RPS6KC1: variants seen among roughly 807,000 people sequenced by gnomAD.
RPS6KC1 encodes inactive ribosomal protein S6 kinase delta-1.
A neutral mutation model predicts 103.8 loss-of-function variants in RPS6KC1; 54 were observed. The observed-to-expected ratio is 0.52, with a 90% CI of 0.42 to 0.65. The LOEUF (loss-of-function observed/expected upper bound fraction) is 0.65. RPS6KC1 is among the 30% of genes least tolerant of loss of function. RPS6KC1 has a pLI of 0.00. For synonymous variants in RPS6KC1, 439 were observed against 438.7 expected (o/e 1.00, Z -0.01); for missense variants, 1,151 against 1,253.8 (o/e 0.92, Z 1.24).
intron 8 of RPS6KC1, among the ~76,000 whole-genome samples, chr1:213,216,217 G>A (rs542150526): frequency 6.6e-6 from 1 of 152,104 alleles, no homozygotes; most frequent in African/African-American, 2.4e-5. Flanking sequence ...AAAAAGGCAG[G>A]TGTTGCAATC....
chr1:213,250,335 A>T (rs2094524597), intron 12 of RPS6KC1, among the ~76,000 whole-genome samples: 1 of 152,212 alleles, frequency 6.6e-6, no homozygotes, highest in Admixed American at 6.5e-5. Flanking sequence ...TAATTAGAGT[A>T]ATGTGATTCC....
chr1:213,190,439 T>C (rs1255942189), intron 8 of RPS6KC1, among the ~76,000 whole-genome samples: 3 of 152,188 alleles, frequency 2.0e-5, no homozygotes, highest in Non-Finnish European at 2.9e-5. Flanking sequence ...CTATTTGCCA[T>C]TTTTATGTCT....
the RPS6KC1 span, among the ~76,000 whole-genome samples, chr1:213,733,265 C>T: frequency 7.7e-4 from 115 of 148,996 alleles, no homozygotes; most frequent in Non-Finnish European, 1.3e-3. Flanking sequence ...CAGGGTGTCA[C>T]TCTGGTCAGT....
chr1:213,336,646 A>G, the RPS6KC1 span, among the ~76,000 whole-genome samples: 1 of 152,178 alleles, frequency 6.6e-6, no homozygotes, highest in Non-Finnish European at 1.5e-5. Context: ...AAACCTATTA[A>G]ATAATTAGAG....
chr1:213,218,132 C>T (rs938742180), intron 8 of RPS6KC1, among the ~76,000 whole-genome samples: 16 of 152,196 alleles, frequency 1.1e-4, no homozygotes, highest in Admixed American at 2.0e-4. Flanking sequence ...ACCCCATTGT[C>T]TCAGCCCAAA....
intron 4 of RPS6KC1, among the ~76,000 whole-genome samples, chr1:213,110,704 C>T (rs1229236345): frequency 6.6e-6 from 1 of 152,120 alleles, no homozygotes; most frequent in Admixed American, 6.5e-5. Context: ...TCTTGAATTT[C>T]CTCTGTGCCT....
chr1:213,278,130 G>C (rs574288072), downstream of RPS6KC1, among the ~76,000 whole-genome samples: 1 of 151,806 alleles, frequency 6.6e-6, no homozygotes, highest in African/African-American at 2.4e-5. Flanking sequence ...CCTTGAGCCC[G>C]GGAGGTCAAG....
chr1:213,129,756 T>C lies in RPS6KC1; in HGVS notation c.702T>C (p.Leu234=). 1 of 1,614,096 alleles carries C rather than the reference T, an allele frequency of 6.2e-7. No homozygotes were observed. The highest frequency in any genetic ancestry group is 1.1e-5 in the South Asian group (1 of 91,078). Residue 234 remains leucine (L), a synonymous_variant, in exon 6 of 15, where the codon CTT becomes CTC. Transcript: ENST00000366960. ...TTCCTGGCAGTTTAAAGCCGAAGCT[T>C]GGCAAGAGAGATTATTTGGAGAAAG... ...SLFPGSLKPK[L]GKRDYLEKAG...
the RPS6KC1 span, among the ~76,000 whole-genome samples, chr1:213,636,097 C>A: frequency 6.6e-6 from 1 of 152,042 alleles, no homozygotes; most frequent in Non-Finnish European, 1.5e-5. Flanking sequence ...AACTACAAAC[C>A]ACTGCTCAAG....
chr1:213,655,774 A>C, the RPS6KC1 span, among the ~76,000 whole-genome samples: 244 of 152,288 alleles, frequency 1.6e-3, no homozygotes, highest in African/African-American at 5.8e-3. Context: ...TTCTATGGAA[A>C]CGGAAGTTTT....
the RPS6KC1 span, among the ~76,000 whole-genome samples, chr1:213,589,642 C>CAAA: frequency 7.7e-6 from 1 of 129,092 alleles, no homozygotes; most frequent in Non-Finnish European, 1.7e-5. Flanking sequence ...AACTCTGTTT[C>CAAA]AAAAAAAAAA....
In RPS6KC1 at chr1:213,171,885, G is replaced by A. The variant is rs550462861; in HGVS notation, c.951+3912G>A. On this transcript the variant is annotated intron_variant, in intron 7 of 14. Transcript: ENST00000366960. ...AGTCTTTGCAAAGCCAAAAATTCAT[G>A]GATGAAGCCAAATTCAGGAGCTTTG... 2.6e-5 allele frequency among the ~76,000 whole-genome samples: 4 copies of A among 152,288 alleles called. No homozygotes were observed. The South Asian group carries it at 8.3e-4, about 32-fold the overall frequency.
the RPS6KC1 span, among the ~76,000 whole-genome samples, chr1:213,836,909 T>C: frequency 6.6e-6 from 1 of 152,198 alleles, no homozygotes; most frequent in African/African-American, 2.4e-5. Flanking sequence ...CCTCTTTGGC[T>C]GAATATTTTA....
the RPS6KC1 span, among the ~76,000 whole-genome samples, chr1:213,742,479 G>A: frequency 6.6e-6 from 1 of 152,204 alleles, no homozygotes; most frequent in Admixed American, 6.5e-5. Flanking sequence ...GAGGACGGGG[G>A]AACATTTTAG....
chr1:213,421,186 A>G, the RPS6KC1 span, among the ~76,000 whole-genome samples: 1 of 149,286 alleles, frequency 6.7e-6, no homozygotes, highest in African/African-American at 2.5e-5. Context: ...CTCGGCTCAC[A>G]CTGTAACCTC....
intron 1 of RPS6KC1, among the ~76,000 whole-genome samples, chr1:213,064,941 C>T (rs1026147016): frequency 6.9e-6 from 1 of 144,794 alleles, no homozygotes; most frequent in African/African-American, 2.5e-5. Context: ...TCCCAAAGTG[C>T]TGGGATTACA....
chr1:213,822,528 C>T, the RPS6KC1 span: 1 of 152,182 alleles, frequency 6.6e-6, no homozygotes, highest in South Asian at 2.1e-4. Flanking sequence ...TCTCTTTGAA[C>T]TTCAGACTCT....
rs148469598 is a variant in RPS6KC1, at chr1:213,261,889, A to C, written c.2994+249A>C. ...CAATATTTCATAGTGAAATATGACT[A>C]AAACTTTTTTCTTTTAATTTTCCAT... On this transcript the variant is annotated intron_variant, in intron 13 of 14. Coordinates refer to ENST00000366960, the MANE Select transcript of RPS6KC1 (RefSeq NM_012424.6). 1.4e-4 allele frequency among the ~76,000 whole-genome samples: 22 copies of C among 152,324 alleles called. No individual in the cohort carries two copies. The East Asian group carries it at 4.2e-3, about 29-fold the overall frequency.
At chr1:213,391,634 C>T in the RPS6KC1 span, among the ~76,000 whole-genome samples, 1 of 152,210 alleles carries the variant, frequency 6.6e-6, no homozygotes, top group Non-Finnish European at 1.5e-5. Flanking sequence ...ACTGTTCAAA[C>T]ATCTTTGGCT....
Sources: allele counts gnomAD v4.1 joint callset (sites outside exome capture counted in the v4.1 genomes callset), GRCh38; gene constraint gnomAD v4.1.1; transcripts MANE v1.5; gene names NCBI Gene and HGNC (gene_info 2026-07-23, HGNC 2026-07-21).